BOLL: variants seen among roughly 807,000 people sequenced by gnomAD.
BOLL encodes the protein boule RNA binding protein.
Under a neutral mutation model 44.4 loss-of-function variants are expected in BOLL, and 23 were observed. The ratio of observed to expected loss-of-function variants is 0.52; its 90% CI spans 0.37 to 0.73. The LOEUF is 0.73. Ranked by LOEUF, BOLL falls within the 30% of genes least tolerant of loss-of-function variation. BOLL has a pLI of 0.00. For synonymous variants in BOLL, 97 were observed against 110.8 expected (o/e 0.88, Z 0.78); for missense variants, 287 against 338.3 (o/e 0.85, Z 1.19).
chr2:197,745,039 A>T (rs1160407484), intron 9 of BOLL, among the ~76,000 whole-genome samples: 1 of 152,228 alleles, frequency 6.6e-6, no homozygotes, highest in African/African-American at 2.4e-5. Context: ...ATGAGTTACG[A>T]TACAGGTAAA....
intron 9 of BOLL, among the ~76,000 whole-genome samples, chr2:197,754,647 G>C (rs1309725346): frequency 6.6e-6 from 1 of 152,104 alleles, no homozygotes; most frequent in Non-Finnish European, 1.5e-5. Flanking sequence ...CTGGGAGGTG[G>C]AGGTTGCAGT....
At chr2:197,767,083 GAT>G (rs1559411689) in intron 6 of BOLL, among the ~76,000 whole-genome samples, 1 of 151,880 alleles carries the variant, frequency 6.6e-6, no homozygotes, top group African/African-American at 2.4e-5. Context: ...TTAAAGCAAA[GAT>G]ATTTTATTTT....
At chr2:197,764,686 A>G (rs556396935) in intron 7 of BOLL, among the ~76,000 whole-genome samples, 1 of 152,242 alleles carries the variant, frequency 6.6e-6, no homozygotes, top group Admixed American at 6.5e-5. Flanking sequence ...TATATGCTGC[A>G]TTTAGACTTA....
intron 9 of BOLL, among the ~76,000 whole-genome samples, chr2:197,744,177 G>A (rs760334370): frequency 2.6e-5 from 4 of 152,252 alleles, no homozygotes; most frequent in East Asian, 1.9e-4. Context: ...ATCTCAATTC[G>A]GTCTTACTGC....
At chr2:197,733,587 C>T (rs1559388944) in intron 10 of BOLL, among the ~76,000 whole-genome samples, 1 of 152,118 alleles carries the variant, frequency 6.6e-6, no homozygotes, top group South Asian at 2.1e-4. Context: ...GTAACCAAAA[C>T]AGCATGGTAC....
At chr2:197,784,333 C>CTCATGATA (rs1689939226) in intron 1 of BOLL, among the ~76,000 whole-genome samples, 1 of 142,900 alleles carries the variant, frequency 7.0e-6, no homozygotes, top group Admixed American at 7.2e-5. Flanking sequence ...GAGAGACCTG[C>CTCATGATA]TCATGATATG....
chr2:197,777,675 C>T (rs1470892624), intron 3 of BOLL, among the ~76,000 whole-genome samples: 1 of 151,734 alleles, frequency 6.6e-6, no homozygotes. Flanking sequence ...ACATAATTAA[C>T]TTCAAGCACA....
chr2:197,778,831 CAA>C, intron 3 of BOLL, 142 bp downstream of exon 3: 3 of 607,748 alleles, frequency 4.9e-6, no homozygotes, highest in Middle Eastern at 2.6e-4. Flanking sequence ...CACACACACA[CAA>C]GGAAATCAAA....
At chr2:197,734,382 A>C (rs1430185064) in intron 10 of BOLL, among the ~76,000 whole-genome samples, 5 of 152,202 alleles carry the variant, frequency 3.3e-5, no homozygotes, top group African/African-American at 1.2e-4. Flanking sequence ...AAACCAGTTC[A>C]ACCATTGTGG....
At chr2:197,731,288 A>G (rs1296493726) in intron 10 of BOLL, among the ~76,000 whole-genome samples, 1 of 150,582 alleles carries the variant, frequency 6.6e-6, no homozygotes, top group Non-Finnish European at 1.5e-5. Context: ...TATGCACCCA[A>G]TACAGGAGCA....
intron 6 of BOLL, 147 bp from the exon 7 acceptor site, chr2:197,766,750 C>T: frequency 1.6e-6 from 1 of 611,068 alleles, no homozygotes; most frequent in Non-Finnish European, 2.9e-6. Context: ...ATATGATTAC[C>T]AACTCTACTA....
intron 6 of BOLL, among the ~76,000 whole-genome samples, chr2:197,768,725 A>G (rs1171010654): frequency 3.3e-5 from 5 of 149,780 alleles, no homozygotes; most frequent in Non-Finnish European, 7.4e-5. Flanking sequence ...AAAAAGAAGA[A>G]AAAATCTTGT....
At chr2:197,741,467 G>C (rs529794776) in intron 10 of BOLL, among the ~76,000 whole-genome samples, 1 of 151,982 alleles carries the variant, frequency 6.6e-6, no homozygotes, top group Non-Finnish European at 1.5e-5. Context: ...AACAGAGATA[G>C]AGACCAATGG....
rs367602126 is a variant in BOLL, at chr2:197,763,083, T to C, written c.552+3449A>G. Among the ~76,000 whole-genome samples, 20 of 152,274 alleles carry C rather than the reference T, an allele frequency of 1.3e-4. No individual in the cohort carries two copies. In the East Asian group the frequency reaches 3.9e-3, roughly 29 times the overall value. On this transcript the variant is annotated intron_variant, in intron 7 of 10. Transcript: ENST00000392296. ...AATACAAAGGATCATTAGAGGCTAA[T>C]ATGAACAACTCTATGCAAATAAATT...
intron 7 of BOLL, chr2:197,758,901 AC>A (rs1559406496): frequency 4.7e-6 from 7 of 1,503,682 alleles, no homozygotes; most frequent in East Asian, 2.5e-5. Flanking sequence ...ATTGCTAAAG[AC>A]TTTTTAGATC....
At chr2:197,756,909 G>A (rs1179888725) in intron 8 of BOLL, among the ~76,000 whole-genome samples, 1 of 152,110 alleles carries the variant, frequency 6.6e-6, no homozygotes, top group Admixed American at 6.6e-5. Flanking sequence ...TCAGCTCTGT[G>A]ACTTCTAATG....
Position 197,773,466 on chromosome 2 carries a change from A to T in BOLL, c.353-1484T>A, listed in dbSNP as rs186944335. 8.8e-4 allele frequency among the ~76,000 whole-genome samples: 134 copies of T among 152,092 alleles called. 1 individual carries two copies. The highest frequency in any genetic ancestry group is 6.8e-3 in the Middle Eastern group (2 of 294). On this transcript the variant is annotated intron_variant, in intron 5 of 10. Transcript: ENST00000392296. ...CATTAGTTGATTACACAATTAATTA[A>T]TTAAATACAATTTTGATAAATACAT...
At chr2:197,770,891 C>T (rs567090492) in intron 6 of BOLL, among the ~76,000 whole-genome samples, 65 of 152,254 alleles carry the variant, frequency 4.3e-4, no homozygotes, top group African/African-American at 1.6e-3. Flanking sequence ...CACTTTTACA[C>T]TGTTGGTGGG....
chr2:197,771,937 G>C lies in BOLL; in HGVS notation c.398C>G (p.Ser133Ter). 2 of 1,594,340 alleles carry C rather than the reference G, an allele frequency of 1.3e-6. No individual in the cohort carries two copies. Among genetic ancestry groups the C allele is most frequent in the Non-Finnish European group, 1.7e-6 (2 of 1,166,388 alleles). ...PAAGTMYLTT[S>*]TGYPYTYHNG... ...ATGGTAAGTATAAGGATATCCAGTT[G>C]AAGTTGTTAGATACATTGTTCCAGC... The change falls in exon 6 of 11, where the codon TCA becomes TGA. Residue 133 changes from serine to a stop codon, truncating the protein, a stop_gained. Transcript: ENST00000392296. LOFTEE classifies it high-confidence loss of function.
Sources: gnomAD v4.1 joint callset for allele counts (sites outside exome capture counted in the v4.1 genomes callset) on GRCh38, gnomAD v4.1.1 for gene constraint, MANE v1.5 for transcripts, NCBI Gene and HGNC (gene_info 2026-07-23, HGNC 2026-07-21) for gene names.